The following CELF2 variants were observed in gnomAD, a reference collection of about 807,000 sequenced individuals.
CELF2 encodes CUGBP Elav-like family member 2.
A neutral mutation model predicts 62.6 loss-of-function variants in CELF2; 8 were observed. That is an observed-to-expected ratio of 0.13 (90% CI 0.07 to 0.23). The LOEUF is 0.23. Ranked by LOEUF, CELF2 falls within the 10% of genes least tolerant of loss-of-function variation. The pLI is 1.00. For missense variants in CELF2, 333 were observed against 671.0 expected, an observed-to-expected ratio of 0.50 and a Z score of 5.56; for synonymous variants, 258 against 250.0, an observed-to-expected ratio of 1.03 and a Z score of -0.30.
the CELF2 span, among the ~76,000 whole-genome samples, chr10:10,555,046 G>T: frequency 6.6e-6 from 1 of 152,094 alleles, no homozygotes; most frequent in Admixed American, 6.6e-5. Context: ...GTCAAGTCAC[G>T]AAGGGGTTAG....
At chr10:10,988,199 A>G (rs1316839563) in intron 2 of CELF2, among the ~76,000 whole-genome samples, 1 of 152,106 alleles carries the variant, frequency 6.6e-6, no homozygotes, top group Non-Finnish European at 1.5e-5. Context: ...CTAAGTGCCC[A>G]TCAACCAATG....
the CELF2 span, chr10:10,792,407 G>A: frequency 5.0e-6 from 2 of 398,228 alleles, no homozygotes; most frequent in South Asian, 1.3e-4. Flanking sequence ...AATATTCCGG[G>A]TTAGGAATTC....
At position 11,098,639 on chromosome 10, in the gene CELF2, T is replaced by C. The variant is rs1392859885; in HGVS notation, c.75-66847T>C. The stretch of plus-strand genomic sequence containing the variant: ...TTTTTTTTCCATTTTAGACAAATAA[T>C]GCATGATAAGTATAAATGTGTCATG... On this transcript the variant is annotated intron_variant, in intron 1 of 12. Coordinates refer to ENST00000633077, the MANE Select transcript of CELF2 (RefSeq NM_001326342.2). The surrounding 1 kb of genome is among the most constrained non-coding windows in gnomAD (Gnocchi z 4.0). Among the ~76,000 whole-genome samples the C allele has an allele frequency of 6.6e-6, 1 of 152,164 alleles. No homozygotes were observed. The highest frequency in any genetic ancestry group is 1.5e-5 in the Non-Finnish European group (1 of 68,030).
At chr10:10,929,641 C>T (rs2065876557) in intron 2 of CELF2, 1 of 152,194 alleles carries the variant, frequency 6.6e-6, no homozygotes, top group African/African-American at 2.4e-5. Context: ...CCTCTGTCTG[C>T]CTCAGTTTCT....
At chr10:10,695,961 C>T in the CELF2 span, among the ~76,000 whole-genome samples, 12 of 150,056 alleles carry the variant, frequency 8.0e-5, no homozygotes, top group South Asian at 4.2e-4. Context: ...AATGTCCTCC[C>T]GTAGCTCAGA....
At position 10,983,538 on chromosome 10, in the gene CELF2, C is replaced by A. The variant is rs1364389107; in HGVS notation, c.89+63539C>A. Among the ~76,000 whole-genome samples the A allele has an allele frequency of 1.3e-5, 2 of 152,044 alleles. No individual in the cohort carries two copies. The highest frequency in any genetic ancestry group is 1.3e-4 in the Admixed American group (2 of 15,270). On this transcript the variant is annotated intron_variant, in intron 2 of 13. Coordinates refer to the CELF2 transcript ENST00000636488. This position sits in a 1 kb window ranked among gnomAD's most constrained non-coding sequence, Gnocchi z 5.2. ...GGCCTTATGCTATGATGGGTGCTAC[C>A]GAAGATACATCCGTAGTTTTTGTTT...
chr10:11,202,471 A>G (rs2135292323), intron 2 of CELF2, among the ~76,000 whole-genome samples: 1 of 152,282 alleles, frequency 6.6e-6, no homozygotes, highest in South Asian at 2.1e-4. Flanking sequence ...TTTCGTAGCA[A>G]ATTTGGATCC....
At chr10:10,954,211 T>TTTATTATTATTA (rs148582483) in intron 2 of CELF2, among the ~76,000 whole-genome samples, 3 of 137,302 alleles carry the variant, frequency 2.2e-5, no homozygotes, top group African/African-American at 8.2e-5. Context: ...TGGCAATTTA[T>TTTATTATTATTA]TTATTATTAT....
upstream of CELF2, among the ~76,000 whole-genome samples, chr10:10,793,637 A>G (rs899373239): frequency 6.6e-6 from 1 of 152,324 alleles, no homozygotes; most frequent in African/African-American, 2.4e-5. Context: ...GGACGAGAAG[A>G]CCGTATGGAA....
chr10:10,678,280 A>G, the CELF2 span, among the ~76,000 whole-genome samples: 2 of 152,116 alleles, frequency 1.3e-5, no homozygotes, highest in South Asian at 2.1e-4. Context: ...AGTTAAATGA[A>G]CATTTAAAAT....
the CELF2 span, among the ~76,000 whole-genome samples, chr10:10,763,455 C>T: frequency 1.3e-5 from 2 of 152,158 alleles, no homozygotes; most frequent in Non-Finnish European, 2.9e-5. Context: ...AACGCTGCCC[C>T]GGTCAGGAAA....
At chr10:10,538,358 G>T in the CELF2 span, among the ~76,000 whole-genome samples, 1 of 152,204 alleles carries the variant, frequency 6.6e-6, no homozygotes, top group Non-Finnish European at 1.5e-5. Flanking sequence ...CAGCCTCCTG[G>T]TCTCAGAGAG....
chr10:10,570,775 AG>A, the CELF2 span, among the ~76,000 whole-genome samples: 1 of 152,174 alleles, frequency 6.6e-6, no homozygotes, highest in Non-Finnish European at 1.5e-5. Context: ...ATGAGAAGTT[AG>A]GAGATGTTGA....
intron 1 of CELF2, among the ~76,000 whole-genome samples, chr10:10,901,672 T>C (rs1486752021): frequency 6.6e-6 from 1 of 152,172 alleles, no homozygotes; most frequent in Non-Finnish European, 1.5e-5. Context: ...CTAAAGTTTT[T>C]TTAAAACTCA....
At chr10:11,323,343 T>A (rs1016561153) in intron 11 of CELF2, among the ~76,000 whole-genome samples, 6 of 151,716 alleles carry the variant, frequency 4.0e-5, no homozygotes, top group African/African-American at 1.5e-4. Context: ...CCAGTTAATA[T>A]GTGCTCAAGA....
chr10:11,281,437 T>C (rs2088705103), intron 8 of CELF2, among the ~76,000 whole-genome samples: 1 of 152,070 alleles, frequency 6.6e-6, no homozygotes, highest in Admixed American at 6.5e-5. Flanking sequence ...GTATCTGGGA[T>C]TCTGGGGATG....
intron 1 of CELF2, among the ~76,000 whole-genome samples, chr10:11,118,317 C>T (rs1379575685): frequency 6.6e-6 from 1 of 151,966 alleles, no homozygotes; most frequent in Non-Finnish European, 1.5e-5. Context: ...CTTTGTTTTC[C>T]TCTTAAGTGG....
the CELF2 span, among the ~76,000 whole-genome samples, chr10:10,696,328 C>T: frequency 9.2e-5 from 14 of 151,906 alleles, no homozygotes; most frequent in Non-Finnish European, 1.6e-4. Context: ...GGTCAGGGGT[C>T]AGGGACCCAC....
chr10:10,918,646 G>A (rs985219838), intron 1 of CELF2, among the ~76,000 whole-genome samples: 1 of 152,116 alleles, frequency 6.6e-6, no homozygotes, highest in Non-Finnish European at 1.5e-5. Flanking sequence ...TGACACAGTA[G>A]GAAAAGAAAA....
Sources: gnomAD v4.1 joint callset for allele counts (sites outside exome capture counted in the v4.1 genomes callset) on GRCh38, gnomAD v4.1.1 for gene constraint, Gnocchi (gnomAD v3.1) non-coding constraint, MANE v1.5 for transcripts, NCBI Gene and HGNC (gene_info 2026-07-23, HGNC 2026-07-21) for gene names.